Variants in TMX3 observed in about 807,000 individuals in gnomAD.
TMX3 encodes protein disulfide-isomerase TMX3.
In TMX3, 40 loss-of-function variants were observed where a neutral mutation model predicts 64.4. That is an observed-to-expected ratio of 0.62 (90% CI 0.48 to 0.81). The LOEUF is 0.81. Ranked by LOEUF, TMX3 falls within the 30% of genes least tolerant of loss-of-function variation. The pLI is 0.00. For synonymous variants in TMX3, 189 were observed against 175.7 expected (o/e 1.08, Z -0.60); for missense variants, 497 against 534.5 (o/e 0.93, Z 0.69).
intron 2 of TMX3, among the ~76,000 whole-genome samples, chr18:68,711,939 C>T (rs546506990): frequency 6.6e-6 from 1 of 152,252 alleles, no homozygotes; most frequent in East Asian, 1.9e-4. Flanking sequence ...GGGTACTGTA[C>T]CTTACCATCA....
rs775306818 is a variant in TMX3 at position 68,711,424 on chromosome 18, T to C, written c.102-21A>G. On this transcript the variant is annotated intron_variant, in intron 2 of 15. Coordinates refer to ENST00000299608, the MANE Select transcript of TMX3 (RefSeq NM_019022.5). The stretch of plus-strand genomic sequence containing the variant: ...TAAACCTAAAAAACAAGAAAACAAA[T>C]GTTTGATTGTATGTTTGTGTCCACT... 7.7e-6 allele frequency: 12 copies of C among 1,556,706 alleles called. No individual in the cohort carries two copies. In the South Asian group the frequency reaches 1.3e-4, roughly 16 times the overall value.
At chr18:68,684,363 T>C in intron 11 of TMX3, 65 bp downstream of exon 11, 1 of 1,522,184 alleles carries the variant, frequency 6.6e-7, no homozygotes. Context: ...CCATATCAAG[T>C]CTATCTAAAG....
In TMX3 at chr18:68,681,045, C is replaced by CTAGAT. The variant is rs1295485634; in HGVS notation, c.970_971insATCTA (p.Arg324AsnfsTer23). Reference sequence around the variant, plus strand: ...CATGTCTTCAACATTCTTAATCTGTCTATCTAGCAAGAAATATTGCTGGTT... The same window carrying CTAGAT: ...CATGTCTTCAACATTCTTAATCTGTCTAGATTATCTAGCAAGAAATATTGCTGGTT... On this transcript the variant is annotated frameshift_variant, in exon 14 of 16. Transcript: ENST00000299608. LOFTEE classifies it high-confidence loss of function. The CTAGAT allele has an allele frequency of 6.2e-7, 1 of 1,603,472 alleles. No homozygotes were observed. The highest frequency in any genetic ancestry group is 1.7e-5 in the Admixed American group (1 of 58,358).
chr18:68,677,247 T>C lies in TMX3; in HGVS notation c.1105-54A>G, dbSNP rs1408373894. The C allele has an allele frequency of 7.2e-6, 11 of 1,532,742 alleles. No homozygotes were observed. The South Asian group carries it at 1.2e-4, about 17-fold the overall frequency. The allele number at this position is 1,532,742 out of a possible 1,614,324, so 94.9% of individuals were successfully genotyped here. A position where few individuals can be genotyped will look rare whatever the true frequency, so the allele number is the denominator to read the frequency against. On this transcript the variant is annotated intron_variant, in intron 15 of 15. Coordinates refer to ENST00000299608, the MANE Select transcript of TMX3 (RefSeq NM_019022.5). ...CCTTCACATGTAATTCTGATATATA[T>C]AGCATGAAATGAACTTGAAACCACT...
chr18:68,682,541 C>G (rs1913536084), intron 13 of TMX3, among the ~76,000 whole-genome samples: 1 of 151,882 alleles, frequency 6.6e-6, no homozygotes, highest in South Asian at 2.1e-4. Flanking sequence ...TTAGTCTATC[C>G]AATTCTAGAA....
chr18:68,701,589 A>G, intron 5 of TMX3, 156 bp downstream of exon 5: 1 of 1,501,516 alleles, frequency 6.7e-7, no homozygotes, highest in Non-Finnish European at 9.0e-7. Flanking sequence ...AGCATAAAGA[A>G]GCAGTCCCTC....
chr18:68,695,805 A>G (rs1232924935), intron 8 of TMX3, among the ~76,000 whole-genome samples: 1 of 152,204 alleles, frequency 6.6e-6, no homozygotes, highest in African/African-American at 2.4e-5. Flanking sequence ...GCACAGAGTA[A>G]TGTCCTTAAA....
chr18:68,692,054 A>G (rs1914574365), intron 8 of TMX3, among the ~76,000 whole-genome samples: 1 of 152,248 alleles, frequency 6.6e-6, no homozygotes, highest in African/African-American at 2.4e-5. Context: ...TATCCTGGAA[A>G]AATTAAAAAG....
At chr18:68,709,345 A>C (rs1486459543) in intron 4 of TMX3, among the ~76,000 whole-genome samples, 1 of 152,152 alleles carries the variant, frequency 6.6e-6, no homozygotes, top group African/African-American at 2.4e-5. Flanking sequence ...TGTCGGTATA[A>C]AAGGTCAGAT....
At chr18:68,700,583 A>C in intron 5 of TMX3, 98 bp from the exon 6 acceptor site, 1 of 1,050,518 alleles carries the variant, frequency 9.5e-7, no homozygotes, top group South Asian at 2.5e-5. Flanking sequence ...ATATTACATA[A>C]AATAGTAAAT....
intron 5 of TMX3, chr18:68,700,730 G>C (rs935229630): frequency 1.1e-5 from 11 of 983,034 alleles, no homozygotes; most frequent in Non-Finnish European, 1.2e-5. Flanking sequence ...TTTGATAACT[G>C]CATTGTATCT....
intron 13 of TMX3, among the ~76,000 whole-genome samples, chr18:68,682,062 T>A (rs1913491483): frequency 6.6e-6 from 1 of 152,030 alleles, no homozygotes; most frequent in African/African-American, 2.4e-5. Flanking sequence ...GGTGGCGGGG[T>A]GGGGAAGGTG....
intron 2 of TMX3, among the ~76,000 whole-genome samples, chr18:68,712,024 C>T (rs143367344): frequency 1.1e-3 from 168 of 152,236 alleles, no homozygotes; most frequent in Non-Finnish European, 1.9e-3. Flanking sequence ...CAGCATATGA[C>T]GAGCCCATTG....
chr18:68,702,000 C>A (rs779724166), intron 4 of TMX3, among the ~76,000 whole-genome samples: 3 of 150,978 alleles, frequency 2.0e-5, no homozygotes, highest in Non-Finnish European at 4.4e-5. Flanking sequence ...CTGTGACCTG[C>A]ACAAAATACT....
chr18:68,677,840 G>C (rs534562526), intron 15 of TMX3, among the ~76,000 whole-genome samples: 2 of 152,098 alleles, frequency 1.3e-5, no homozygotes, highest in Non-Finnish European at 2.9e-5. Context: ...GATAATAAAA[G>C]AAAGTTTCAC....
chr18:68,685,837 T>C (rs1913898910), intron 10 of TMX3, among the ~76,000 whole-genome samples: 1 of 152,214 alleles, frequency 6.6e-6, no homozygotes, highest in South Asian at 2.1e-4. Flanking sequence ...AAGATTTTCC[T>C]AAGGAAGCAG....
intron 12 of TMX3, among the ~76,000 whole-genome samples, chr18:68,683,337 T>A (rs939996162): frequency 2.0e-5 from 3 of 152,138 alleles, no homozygotes; most frequent in African/African-American, 7.2e-5. Context: ...AGACGCTACA[T>A]ACTATGTAAG....
intron 10 of TMX3, among the ~76,000 whole-genome samples, chr18:68,685,287 C>A (rs575406959): frequency 2.8e-4 from 43 of 152,284 alleles, no homozygotes; most frequent in African/African-American, 1.0e-3. Context: ...AAACCTGGCT[C>A]AGAGCAGGTA....
intron 14 of TMX3, 190 bp from the exon 15 acceptor site, chr18:68,679,721 C>T: frequency 1.9e-6 from 1 of 532,490 alleles, no homozygotes; most frequent in South Asian, 2.5e-5. Flanking sequence ...CTCCTGCCTG[C>T]TTGTGTTAAT....
Sources: allele counts gnomAD v4.1 joint callset (sites outside exome capture counted in the v4.1 genomes callset), GRCh38; gene constraint gnomAD v4.1.1; transcripts MANE v1.5; gene names NCBI Gene and HGNC (gene_info 2026-07-23, HGNC 2026-07-21).